Variants in CFAP299 observed in about 807,000 individuals in gnomAD.
CFAP299 encodes the protein cilia- and flagella-associated protein 299.
CFAP299 carries 21 observed loss-of-function variants against 27.0 expected under a neutral mutation model. That is an observed-to-expected ratio of 0.78 (90% CI 0.55 to 1.12). The LOEUF (loss-of-function observed/expected upper bound fraction) is 1.12. CFAP299 is among the 50% of genes most tolerant of loss of function. The pLI is 0.00. For synonymous variants in CFAP299, 104 were observed against 98.1 expected (o/e 1.06, Z -0.36); for missense variants, 310 against 276.6 (o/e 1.12, Z -0.86).
intron 4 of CFAP299, among the ~76,000 whole-genome samples, chr4:80,902,758 C>G (rs1467814482): frequency 6.6e-6 from 1 of 151,420 alleles, no homozygotes; most frequent in African/African-American, 2.4e-5. Context: ...CTTCTTCAGG[C>G]AACTTTTAAA....
Position 80,861,119 on chromosome 4 carries a change from C to T in CFAP299, c.334-8874C>T, listed in dbSNP as rs548856864. 3.8e-3 allele frequency among the ~76,000 whole-genome samples: 579 copies of T among 152,262 alleles called. 1 individual carries two copies. Among genetic ancestry groups the T allele is most frequent in the Middle Eastern group, 0.014 (4 of 292 alleles). On this transcript the variant is annotated intron_variant, in intron 3 of 5. Transcript: ENST00000358105. Reference sequence around the variant, plus strand: ...CTAAGCAAGCCTGGACAATGGCGGGCGCCCCTCCCCCAGCCTCGCTGCCAC... The same window carrying T: ...CTAAGCAAGCCTGGACAATGGCGGGTGCCCCTCCCCCAGCCTCGCTGCCAC...
At chr4:80,855,903 G>T (rs533949388) in intron 3 of CFAP299, among the ~76,000 whole-genome samples, 1 of 151,612 alleles carries the variant, frequency 6.6e-6, no homozygotes, top group Non-Finnish European at 1.5e-5. Context: ...ATGATTTATA[G>T]TCCTTTGGGT....
chr4:80,824,700 A>G (rs548962393), intron 3 of CFAP299, among the ~76,000 whole-genome samples: 26 of 152,304 alleles, frequency 1.7e-4, no homozygotes, highest in Admixed American at 1.0e-3. Flanking sequence ...TTAAGTTTAC[A>G]TGTCAGGCAT....
rs1261022013 is a variant in CFAP299, at chr4:80,799,857, AT to A, written c.334-70135del. ...ATATATTATATTATATAATATATAA[AT>A]ATATATTATATATATTATATTATAT... On this transcript the variant is annotated intron_variant, in intron 3 of 5. Coordinates refer to ENST00000358105, the MANE Select transcript of CFAP299 (RefSeq NM_152770.3). Among the ~76,000 whole-genome samples, 50 of 31,324 alleles carry A rather than the reference AT, an allele frequency of 1.6e-3. 4 individuals carry two copies. Among genetic ancestry groups the A allele is most frequent in the African/African-American group, 7.4e-3 (48 of 6,474 alleles). 20.5% of individuals were successfully genotyped at this position (31,324 alleles called of 152,430 possible).
intron 2 of CFAP299, among the ~76,000 whole-genome samples, chr4:80,494,905 A>C (rs924232628): frequency 3.3e-5 from 5 of 152,224 alleles, no homozygotes; most frequent in African/African-American, 1.2e-4. Context: ...CACAAGTTCA[A>C]ATTCTAGCAG....
At chr4:80,743,241 C>T (rs1446672796) in intron 3 of CFAP299, among the ~76,000 whole-genome samples, 1 of 140,696 alleles carries the variant, frequency 7.1e-6, no homozygotes. Context: ...ACTAAAAATA[C>T]AAAAAGAAAA....
At chr4:80,714,474 C>T (rs1722360177) in intron 3 of CFAP299, among the ~76,000 whole-genome samples, 1 of 152,012 alleles carries the variant, frequency 6.6e-6, no homozygotes, top group Admixed American at 6.6e-5. Flanking sequence ...CAGTGCTAAT[C>T]CTTAAAATAT....
chr4:80,680,845 T>C (rs1266592220), intron 3 of CFAP299, among the ~76,000 whole-genome samples: 1 of 152,174 alleles, frequency 6.6e-6, no homozygotes, highest in Non-Finnish European at 1.5e-5. Flanking sequence ...AGGTTATTAA[T>C]TGAAGGATGT....
Position 80,367,128 on chromosome 4 carries a change from A to G in CFAP299, c.242+4244A>G, listed in dbSNP as rs747729120. Among the ~76,000 whole-genome samples, 3 of 152,288 alleles carry G rather than the reference A, an allele frequency of 2.0e-5. No homozygotes were observed. The East Asian group carries it at 5.8e-4, about 29-fold the overall frequency. On this transcript the variant is annotated intron_variant, in intron 2 of 5. Coordinates refer to ENST00000358105, the MANE Select transcript of CFAP299 (RefSeq NM_152770.3). The stretch of plus-strand genomic sequence containing the variant: ...TAATATGTGTAAATAGACATTGGTG[A>G]TAATTGCATAACTTTGTAAATATAC...
rs574712397 is a variant in CFAP299, at chr4:80,617,699, A to C, written c.333+34516A>C. 2.6e-5 allele frequency among the ~76,000 whole-genome samples: 4 copies of C among 152,300 alleles called. No homozygotes were observed. In the South Asian group the frequency reaches 8.3e-4, roughly 32 times the overall value. On this transcript the variant is annotated intron_variant, in intron 3 of 5. Coordinates refer to ENST00000358105, the MANE Select transcript of CFAP299 (RefSeq NM_152770.3). ...ACATAAAAGTGCCCATCATAATGAT[A>C]ACCAAAACTATGGAAATGAATCCAT...
chr4:80,505,559 G>C (rs1231336074), intron 2 of CFAP299, among the ~76,000 whole-genome samples: 1 of 143,438 alleles, frequency 7.0e-6, no homozygotes, highest in Non-Finnish European at 1.5e-5. Flanking sequence ...AATCAAAATA[G>C]GTTCAACCAC....
chr4:80,609,062 T>C (rs1737830355), intron 3 of CFAP299, among the ~76,000 whole-genome samples: 1 of 152,088 alleles, frequency 6.6e-6, no homozygotes, highest in Admixed American at 6.6e-5. Context: ...TAAGTCAAGG[T>C]TATAACTCAA....
At chr4:80,840,579 C>T (rs1332272348) in intron 3 of CFAP299, among the ~76,000 whole-genome samples, 1 of 152,008 alleles carries the variant, frequency 6.6e-6, no homozygotes, top group African/African-American at 2.4e-5. Flanking sequence ...TTTTGGATTT[C>T]AGAGACTTTA....
rs930500574 is a variant in CFAP299, at chr4:80,956,553, G to A, written c.607-6964G>A. 3.3e-5 allele frequency among the ~76,000 whole-genome samples: 5 copies of A among 151,844 alleles called. No homozygotes were observed. The East Asian group carries it at 5.8e-4, about 18-fold the overall frequency. ...GCTCATATGATCCCACTTCCACCCC[G>A]GCACATTTCCCCTCTCTAGCCTCTG... On this transcript the variant is annotated intron_variant, in intron 5 of 5. Transcript: ENST00000358105.
intron 2 of CFAP299, among the ~76,000 whole-genome samples, chr4:80,531,973 C>T (rs991226734): frequency 4.6e-5 from 7 of 152,070 alleles, no homozygotes; most frequent in African/African-American, 1.4e-4. Flanking sequence ...TCAGGCTAGT[C>T]CCGAACTCCC....
intron 3 of CFAP299, among the ~76,000 whole-genome samples, chr4:80,713,152 T>C (rs183332004): frequency 1.3e-5 from 2 of 152,140 alleles, no homozygotes; most frequent in African/African-American, 2.4e-5. Context: ...AGCAAAAGTA[T>C]GTAGGTGAGA....
chr4:80,394,590 T>C (rs1725675252), intron 2 of CFAP299, among the ~76,000 whole-genome samples: 1 of 152,122 alleles, frequency 6.6e-6, no homozygotes, highest in African/African-American at 2.4e-5. Context: ...CCATTTTGAG[T>C]TGGTTTTTAT....
intron 3 of CFAP299, among the ~76,000 whole-genome samples, chr4:80,688,288 C>T (rs1273157427): frequency 1.3e-5 from 2 of 152,202 alleles, no homozygotes. Context: ...TTAAGTGTCC[C>T]TGTCTGACAG....
intron 1 of CFAP299, among the ~76,000 whole-genome samples, chr4:80,353,135 C>T (rs1723093219): frequency 6.6e-6 from 1 of 152,120 alleles, no homozygotes; most frequent in Non-Finnish European, 1.5e-5. Context: ...TATAAAATAT[C>T]AATAAAATTG....
Sources: allele counts gnomAD v4.1 joint callset (sites outside exome capture counted in the v4.1 genomes callset), GRCh38; gene constraint gnomAD v4.1.1; transcripts MANE v1.5; gene names NCBI Gene and HGNC (gene_info 2026-07-23, HGNC 2026-07-21).